Variants in LRFN2 observed in about 807,000 individuals in gnomAD.
LRFN2 encodes the protein leucine-rich repeat and fibronectin type-III domain-containing protein 2.
LRFN2 carries 18 observed loss-of-function variants against 37.3 expected under a neutral mutation model. That is an observed-to-expected ratio of 0.48 (90% CI 0.33 to 0.72). The LOEUF (loss-of-function observed/expected upper bound fraction) is 0.72. Among genes scored for constraint, LRFN2 ranks in the 30% least tolerant of loss-of-function variants. The pLI is 0.02. For missense variants in LRFN2, 1,006 were observed against 1,060.7 expected, an observed-to-expected ratio of 0.95 and a Z score of 0.72; for synonymous variants, 556 against 466.6, an observed-to-expected ratio of 1.19 and a Z score of -2.47.
chr6:40,540,769 A>T (rs2504836), intron 1 of LRFN2, among the ~76,000 whole-genome samples: 2,992 of 152,198 alleles, frequency 0.02, 118 homozygotes, highest in African/African-American at 0.068. Context: ...TGTCCTGGGG[A>T]CACACACACC....
chr6:40,498,940 C>G (rs1281832797), intron 1 of LRFN2, among the ~76,000 whole-genome samples: 2 of 152,222 alleles, frequency 1.3e-5, no homozygotes, highest in African/African-American at 4.8e-5. Flanking sequence ...GCAAGCAAGA[C>G]CAGCATGGTT....
At chr6:40,547,111 T>C (rs1409539658) in intron 1 of LRFN2, among the ~76,000 whole-genome samples, 1 of 151,830 alleles carries the variant, frequency 6.6e-6, no homozygotes, top group Non-Finnish European at 1.5e-5. Flanking sequence ...AAATCTTTTT[T>C]TTTTTTTTTT....
rs570010450 is a variant in LRFN2 at position 40,425,838 on chromosome 6, G to A, written c.1400+5876C>T. The stretch of plus-strand genomic sequence containing the variant: ...ATGGAGCTTATTAGCTGAAAAAAGC[G>A]CAAAGCACTGTTTTATACAGCCTAA... On this transcript the variant is annotated intron_variant, in intron 2 of 2. Transcript: ENST00000338305. Among the ~76,000 whole-genome samples the A allele has an allele frequency of 3.2e-4, 48 of 152,346 alleles. No individual in the cohort carries two copies. The South Asian group carries it at 8.7e-3, about 28-fold the overall frequency.
intron 1 of LRFN2, among the ~76,000 whole-genome samples, chr6:40,449,675 G>C (rs1426070013): frequency 6.6e-6 from 1 of 152,130 alleles, no homozygotes; most frequent in Non-Finnish European, 1.5e-5. Context: ...ACTTCCCACA[G>C]TTTGTCTCTT....
chr6:40,408,669 A>G (rs1762898137), intron 2 of LRFN2, among the ~76,000 whole-genome samples: 1 of 152,176 alleles, frequency 6.6e-6, no homozygotes, highest in Non-Finnish European at 1.5e-5. Context: ...GCCTCAGTTA[A>G]ATAGGAACAC....
intron 1 of LRFN2, among the ~76,000 whole-genome samples, chr6:40,478,610 C>T (rs1764759064): frequency 6.6e-6 from 1 of 152,180 alleles, no homozygotes; most frequent in South Asian, 2.1e-4. Context: ...CAGCCCACCC[C>T]TCACAGAGCA....
intron 2 of LRFN2, among the ~76,000 whole-genome samples, chr6:40,429,331 C>A (rs1485267885): frequency 6.6e-6 from 1 of 152,208 alleles, no homozygotes; most frequent in Non-Finnish European, 1.5e-5. Flanking sequence ...AGTGTGTTGC[C>A]TTCTGGCATC....
intron 1 of LRFN2, among the ~76,000 whole-genome samples, chr6:40,487,703 T>C (rs1294057324): frequency 2.6e-5 from 4 of 152,236 alleles, no homozygotes; most frequent in Non-Finnish European, 5.9e-5. Flanking sequence ...ATGGGATGGC[T>C]AGGATTTGGA....
intron 1 of LRFN2, among the ~76,000 whole-genome samples, chr6:40,513,622 A>G (rs1035195635): frequency 2.6e-5 from 4 of 152,202 alleles, no homozygotes; most frequent in African/African-American, 9.7e-5. Context: ...TCATGGTGTG[A>G]CATTCCGGAG....
chr6:40,499,254 T>C (rs1765312932), intron 1 of LRFN2, among the ~76,000 whole-genome samples: 2 of 152,020 alleles, frequency 1.3e-5, no homozygotes, highest in African/African-American at 4.8e-5. Flanking sequence ...GGAGCCCCCA[T>C]CTCCCCAGCC....
At position 40,511,284 on chromosome 6, in the gene LRFN2, A is replaced by G. The variant is rs142368880; in HGVS notation, c.-19+75657T>C. ...ACACAACTCTTGAAGTAGATGCTAC[A>G]TTTCACTGAATCTCAGATGCCTTTG... On this transcript the variant is annotated intron_variant, in intron 1 of 2. Transcript: ENST00000338305. 7.0e-4 allele frequency among the ~76,000 whole-genome samples: 106 copies of G among 152,306 alleles called. No homozygotes were observed. The Middle Eastern group carries it at 0.01, about 15-fold the overall frequency.
intron 1 of LRFN2, among the ~76,000 whole-genome samples, chr6:40,453,567 T>C (rs921694771): frequency 2.0e-5 from 3 of 149,884 alleles, no homozygotes; most frequent in Admixed American, 6.7e-5. Context: ...TCCCTTTGAG[T>C]TGACTTTGCA....
At chr6:40,412,758 C>T (rs894154665) in intron 2 of LRFN2, among the ~76,000 whole-genome samples, 1 of 152,164 alleles carries the variant, frequency 6.6e-6, no homozygotes. Context: ...CAAGTCCCTG[C>T]CTTGTGGAAT....
intron 1 of LRFN2, among the ~76,000 whole-genome samples, chr6:40,460,437 A>G (rs991349606): frequency 1.3e-5 from 2 of 152,162 alleles, no homozygotes; most frequent in Non-Finnish European, 2.9e-5. Context: ...TACCATGAGC[A>G]TAGGAGGGGC....
chr6:40,502,626 C>T (rs189389707), intron 1 of LRFN2, among the ~76,000 whole-genome samples: 89 of 152,328 alleles, frequency 5.8e-4, no homozygotes, highest in African/African-American at 1.8e-3. Flanking sequence ...TGATGAGTGT[C>T]CTTTGAATAC....
intron 1 of LRFN2, among the ~76,000 whole-genome samples, chr6:40,509,545 A>T (rs1765637666): frequency 1.3e-5 from 2 of 152,230 alleles, no homozygotes; most frequent in South Asian, 4.1e-4. Flanking sequence ...ATTCTAGGGA[A>T]CACTGGGCTC....
At chr6:40,518,691 T>C (rs1421237471) in intron 1 of LRFN2, among the ~76,000 whole-genome samples, 1 of 152,170 alleles carries the variant, frequency 6.6e-6, no homozygotes, top group Non-Finnish European at 1.5e-5. Flanking sequence ...CAGGATACAC[T>C]TAGTCATCCA....
intron 1 of LRFN2, among the ~76,000 whole-genome samples, chr6:40,518,485 C>T (rs1393254294): frequency 6.6e-6 from 1 of 152,152 alleles, no homozygotes; most frequent in Non-Finnish European, 1.5e-5. Context: ...GCATGCTCAC[C>T]TCCTATGCTG....
At chr6:40,460,129 T>C (rs1197446980) in intron 1 of LRFN2, among the ~76,000 whole-genome samples, 2 of 152,222 alleles carry the variant, frequency 1.3e-5, no homozygotes, top group African/African-American at 4.8e-5. Context: ...ATGTGGACTC[T>C]TGTGGAGTCT....
Sources: gnomAD v4.1 joint callset for allele counts (sites outside exome capture counted in the v4.1 genomes callset) on GRCh38, gnomAD v4.1.1 for gene constraint, MANE v1.5 for transcripts, NCBI Gene and HGNC (gene_info 2026-07-23, HGNC 2026-07-21) for gene names.